The following LMO7 variants were observed in gnomAD, a reference collection of about 807,000 sequenced individuals.
The protein encoded by LMO7 is LIM domain only protein 7.
Under a neutral mutation model 206.5 loss-of-function variants are expected in LMO7, and 120 were observed. That is an observed-to-expected ratio of 0.58 (90% CI 0.50 to 0.68). The LOEUF (loss-of-function observed/expected upper bound fraction) is 0.68. Among genes scored for constraint, LMO7 ranks in the 30% least tolerant of loss-of-function variants. The pLI, the probability that LMO7 is intolerant of heterozygous loss-of-function variation, is 0.00. For missense variants in LMO7, 1,959 were observed against 1,957.9 expected (o/e 1.00, Z -0.01); for synonymous variants, 706 against 681.5 (o/e 1.04, Z -0.56).
At chr13:75,765,697 A>G (rs369528427) in intron 4 of LMO7, among the ~76,000 whole-genome samples, 1 of 152,276 alleles carries the variant, frequency 6.6e-6, no homozygotes, top group East Asian at 1.9e-4. Context: ...TAAGAGTCCT[A>G]GCTGCAGGGA....
At chr13:75,686,329 C>T (rs1223581792) in intron 1 of LMO7, among the ~76,000 whole-genome samples, 1 of 152,112 alleles carries the variant, frequency 6.6e-6, no homozygotes, top group Non-Finnish European at 1.5e-5. Flanking sequence ...TGCAGGGGAA[C>T]TCCTCTTTAT....
chr13:75,776,161 G>GAATATATATATA (rs2050379972), intron 4 of LMO7, among the ~76,000 whole-genome samples: 1 of 16,876 alleles, frequency 5.9e-5, no homozygotes, highest in Non-Finnish European at 1.3e-4. Flanking sequence ...TATATATATC[G>GAATATATATATA]GATATATATA....
intron 1 of LMO7, among the ~76,000 whole-genome samples, chr13:75,644,149 TAA>T (rs1170366644): frequency 1.3e-5 from 2 of 152,076 alleles, no homozygotes; most frequent in African/African-American, 4.8e-5. Context: ...GTTTTTTTTT[TAA>T]GAGAAGCTGA....
Position 75,853,210 on chromosome 13 carries a change from C to G in LMO7, c.4483C>G (p.Pro1495Ala), listed in dbSNP as rs779907419. ...SSSVQDFSRP[P>A]PQLVSTSNRA... is the part of the protein sequence containing the mutation. The stretch of plus-strand genomic sequence containing the variant: ...CTCTGTGCAAGACTTTAGTCGCCCA[C>G]CACCTCAGCTGGTGTCCACATCAAA... The change falls in exon 28 of 31, where the codon CCA (proline) becomes GCA (alanine). Residue 1495 changes from proline to alanine, a missense_variant. Pro to Ala is a conservative substitution (Grantham distance 27). Transcript: ENST00000377534. The G allele has an allele frequency of 1.2e-6, 2 of 1,614,170 alleles. No individual in the cohort carries two copies. Among genetic ancestry groups the G allele is most frequent in the South Asian group, 1.1e-5 (1 of 91,086 alleles).
rs1321443222 is a variant in LMO7, at chr13:75,776,195, AT to A, written c.317+15158del. Among the ~76,000 whole-genome samples the A allele has an allele frequency of 2.2e-3, 228 of 104,152 alleles. 6 individuals carry two copies. Among genetic ancestry groups the A allele is most frequent in the Non-Finnish European group, 3.5e-3 (183 of 51,746 alleles). The allele number at this position is 104,152 out of a possible 152,430, so 68.3% of individuals were successfully genotyped here. A position where few individuals can be genotyped will look rare whatever the true frequency, so the allele number is the denominator to read the frequency against. ...TATATATATATATATATATATATAT[AT>A]ATATATATAACGTTAAGTCGTAGTA... On this transcript the variant is annotated intron_variant, in intron 4 of 30. Coordinates refer to ENST00000377534, the MANE Select transcript of LMO7 (RefSeq NM_001306080.2).
intron 1 of LMO7, among the ~76,000 whole-genome samples, chr13:75,706,868 G>A (rs2042698284): frequency 6.6e-6 from 1 of 151,980 alleles, no homozygotes; most frequent in Admixed American, 6.5e-5. Context: ...AAATGCTGTT[G>A]GTTTTTGGTG....
chr13:75,747,367 G>A (rs1004815618), intron 3 of LMO7, among the ~76,000 whole-genome samples: 2 of 152,114 alleles, frequency 1.3e-5, no homozygotes, highest in African/African-American at 4.8e-5. Context: ...AGTGGTGTTG[G>A]TGTCACTAGG....
At chr13:75,671,616 A>T (rs1214464570) in intron 1 of LMO7, among the ~76,000 whole-genome samples, 1 of 152,150 alleles carries the variant, frequency 6.6e-6, no homozygotes, top group African/African-American at 2.4e-5. Context: ...TCACTCTGCT[A>T]CTCATATCAG....
Position 75,647,402 on chromosome 13 carries a change from G to GT in LMO7, c.69+10683dup, listed in dbSNP as rs113368512. Among the ~76,000 whole-genome samples, 1,311 of 152,132 alleles carry GT rather than the reference G, an allele frequency of 8.6e-3. 17 individuals carry two copies. Among genetic ancestry groups the GT allele is most frequent in the African/African-American group, 0.029 (1,198 of 41,514 alleles). On this transcript the variant is annotated intron_variant, in intron 1 of 30. Transcript: ENST00000377534. ...TCTAGACTGAGCAAGTTTTGAACAT[G>GT]TTTTTTTGAAAAAAGCAACTTTAAA... is the stretch of plus-strand genomic sequence containing the variant.
intron 1 of LMO7, among the ~76,000 whole-genome samples, chr13:75,706,375 G>T (rs1375994619): frequency 6.6e-6 from 1 of 152,140 alleles, no homozygotes; most frequent in Non-Finnish European, 1.5e-5. Flanking sequence ...ATTTTAGGGG[G>T]AGTCTTAGGT....
intron 1 of LMO7, among the ~76,000 whole-genome samples, chr13:75,658,507 CTTAT>C (rs1295928213): frequency 1.3e-5 from 2 of 151,958 alleles, no homozygotes; most frequent in African/African-American, 4.8e-5. Context: ...GACTAAAGTT[CTTAT>C]TTATCATATT....
intron 4 of LMO7, among the ~76,000 whole-genome samples, chr13:75,766,531 G>A (rs2048911934): frequency 8.5e-6 from 1 of 117,532 alleles, no homozygotes; most frequent in Non-Finnish European, 1.8e-5. Flanking sequence ...TAGATAAGAT[G>A]GAGACCTGCC....
At chr13:75,635,926 G>A (rs1019954834), upstream of LMO7, 3 of 152,148 alleles carry the variant, frequency 2.0e-5, no homozygotes, top group African/African-American at 7.3e-5. Context: ...AGCGGGGGAG[G>A]TTTCTTGGCC....
chr13:75,741,917 G>A (rs1276276614), intron 3 of LMO7, among the ~76,000 whole-genome samples: 4 of 152,146 alleles, frequency 2.6e-5, no homozygotes, highest in African/African-American at 4.8e-5. Flanking sequence ...CATCCAAATA[G>A]AAAGAGAGGA....
chr13:75,818,797 T>A (rs1426233893), intron 12 of LMO7, among the ~76,000 whole-genome samples: 1 of 152,206 alleles, frequency 6.6e-6, no homozygotes, highest in Non-Finnish European at 1.5e-5. Context: ...CCCCACTGTC[T>A]CATGCAATCC....
chr13:75,792,501 C>G (rs1235062240), intron 4 of LMO7, among the ~76,000 whole-genome samples: 1 of 152,182 alleles, frequency 6.6e-6, no homozygotes, highest in Non-Finnish European at 1.5e-5. Context: ...AACTTTGGAG[C>G]TAAGGCTGTC....
chr13:75,760,192 A>T, intron 3 of LMO7: 1 of 170,768 alleles, frequency 5.9e-6, no homozygotes. Context: ...ACATTAACGA[A>T]GAGCACTGGT....
chr13:75,733,720 G>A (rs1018449835), intron 3 of LMO7, among the ~76,000 whole-genome samples: 7 of 152,198 alleles, frequency 4.6e-5, no homozygotes, highest in African/African-American at 1.4e-4. Flanking sequence ...CTTCTGCGTC[G>A]CTCATGCTGG....
At chr13:75,792,227 C>A (rs2053407493) in intron 4 of LMO7, among the ~76,000 whole-genome samples, 1 of 152,118 alleles carries the variant, frequency 6.6e-6, no homozygotes, top group Non-Finnish European at 1.5e-5. Context: ...CTTGGTGTTC[C>A]AAAGTGCTGG....
Sources: allele counts gnomAD v4.1 joint callset (sites outside exome capture counted in the v4.1 genomes callset), GRCh38; gene constraint gnomAD v4.1.1; transcripts MANE v1.5; gene names NCBI Gene and HGNC (gene_info 2026-07-23, HGNC 2026-07-21).